CEP112: variants seen among roughly 807,000 people sequenced by gnomAD.
The protein encoded by CEP112 is centrosomal protein of 112 kDa.
In CEP112, 127 loss-of-function variants were observed where a neutral mutation model predicts 153.0. The ratio of observed to expected loss-of-function variants is 0.83; its 90% confidence interval spans 0.72 to 0.96. The LOEUF is 0.96. Ranked by LOEUF, CEP112 falls within the 40% of genes least tolerant of loss-of-function variation. The pLI is 0.00. For missense variants in CEP112, 1,089 were observed against 1,101.2 expected, an observed-to-expected ratio of 0.99 and a Z score of 0.16; for synonymous variants, 358 against 374.4, an observed-to-expected ratio of 0.96 and a Z score of 0.51.
intron 20 of CEP112, among the ~76,000 whole-genome samples, chr17:65,879,536 C>T (rs900476724): frequency 3.3e-5 from 5 of 151,990 alleles, no homozygotes; most frequent in Non-Finnish European, 7.4e-5. Context: ...ATTTCCCTTT[C>T]GTAAATGTGA....
intron 20 of CEP112, among the ~76,000 whole-genome samples, chr17:65,864,115 T>G (rs1423065891): frequency 7.1e-6 from 1 of 140,226 alleles, no homozygotes; most frequent in Non-Finnish European, 1.5e-5. Context: ...CACTCCAGCC[T>G]GGGCGACAGA....
chr17:65,902,019 A>G (rs578190541), intron 20 of CEP112, 133 bp downstream of exon 20: 1 of 423,942 alleles, frequency 2.4e-6, no homozygotes, highest in East Asian at 3.7e-5. Context: ...AAAAACAAAA[A>G]AAAAATCACA....
intron 24 of CEP112, among the ~76,000 whole-genome samples, chr17:65,659,651 C>T (rs2046247104): frequency 1.3e-5 from 2 of 152,338 alleles, no homozygotes; most frequent in Middle Eastern, 3.4e-3. Context: ...GAGTTGTTCA[C>T]CTTTACACAG....
At chr17:66,002,209 AG>A (rs34428492) in intron 17 of CEP112, among the ~76,000 whole-genome samples, 62,032 of 151,578 alleles carry the variant, frequency 0.41, 14,082 homozygotes, top group East Asian at 0.87. Context: ...TTGCTTGGAG[AG>A]AGTATAAATA....
At chr17:65,738,793 T>C (rs2145106202) in intron 23 of CEP112, among the ~76,000 whole-genome samples, 1 of 152,354 alleles carries the variant, frequency 6.6e-6, no homozygotes, top group East Asian at 1.9e-4. Context: ...ATTTTCCTCT[T>C]TGTACTATTT....
chr17:66,144,002 T>C lies in CEP112; in HGVS notation c.471-11239A>G, dbSNP rs574992631. 4.7e-4 allele frequency among the ~76,000 whole-genome samples: 71 copies of C among 152,226 alleles called. No homozygotes were observed. The South Asian group carries it at 5.8e-3, about 12-fold the overall frequency. On this transcript the variant is annotated intron_variant, in intron 4 of 26. Coordinates refer to ENST00000535342, the MANE Select transcript of CEP112 (RefSeq NM_001199165.4). Reference sequence around the variant, plus strand: ...CACCATTGTTGGCTGTGTAGGTGAGTGTGTGGGAAAGAATAATGCCTTCCT... The same window carrying C: ...CACCATTGTTGGCTGTGTAGGTGAGCGTGTGGGAAAGAATAATGCCTTCCT...
chr17:65,753,718 G>A (rs1417168808), intron 21 of CEP112, among the ~76,000 whole-genome samples: 2 of 152,026 alleles, frequency 1.3e-5, no homozygotes, highest in Non-Finnish European at 2.9e-5. Flanking sequence ...TAAAATAAAC[G>A]CTTAATAGAA....
rs750486010 is a variant in CEP112, at chr17:66,030,035, G to C, written c.1219-12C>G. Reference sequence around the variant, plus strand: ...TTGATCATGTGGTTCTAAAAGAACAGGTCATGGTTAAGAAAGTCTCTGACT... The same window carrying C: ...TTGATCATGTGGTTCTAAAAGAACACGTCATGGTTAAGAAAGTCTCTGACT... On this transcript the variant is annotated splice_polypyrimidine_tract_variant and intron_variant, in intron 12 of 26. Coordinates refer to ENST00000535342, the MANE Select transcript of CEP112 (RefSeq NM_001199165.4). 9.9e-6 allele frequency: 16 copies of C among 1,609,010 alleles called. No individual in the cohort carries two copies. Among genetic ancestry groups the C allele is most frequent in the Admixed American group, 3.4e-5 (2 of 59,084 alleles).
intron 2 of CEP112, among the ~76,000 whole-genome samples, chr17:66,179,653 T>C (rs1425986776): frequency 6.6e-6 from 1 of 152,172 alleles, no homozygotes; most frequent in African/African-American, 2.4e-5. Context: ...TTTGACTTCT[T>C]CCTTTCCAAT....
chr17:65,997,853 A>T (rs991338251), intron 17 of CEP112, among the ~76,000 whole-genome samples: 1 of 151,886 alleles, frequency 6.6e-6, no homozygotes, highest in Non-Finnish European at 1.5e-5. Flanking sequence ...AAGTTAAAAT[A>T]TTGGAAAGCA....
chr17:65,997,473 T>C (rs978103709), intron 17 of CEP112, among the ~76,000 whole-genome samples: 1 of 152,184 alleles, frequency 6.6e-6, no homozygotes, highest in Admixed American at 6.5e-5. Context: ...GTTTACACTC[T>C]GCTCCACTCC....
intron 20 of CEP112, among the ~76,000 whole-genome samples, chr17:65,889,198 A>G (rs1377618500): frequency 6.6e-6 from 1 of 152,006 alleles, no homozygotes; most frequent in Non-Finnish European, 1.5e-5. Context: ...GTCTGTCAGT[A>G]ATGGCCCGAG....
At chr17:65,637,567 C>T (rs753495701) in intron 25 of CEP112, among the ~76,000 whole-genome samples, 3 of 152,202 alleles carry the variant, frequency 2.0e-5, no homozygotes, top group Non-Finnish European at 4.4e-5. Flanking sequence ...TCCCATTCAT[C>T]CTCCACCATT....
intron 21 of CEP112, among the ~76,000 whole-genome samples, chr17:65,753,520 G>A (rs756070905): frequency 5.9e-5 from 9 of 152,106 alleles, no homozygotes; most frequent in Non-Finnish European, 1.0e-4. Flanking sequence ...TTCCAGAATA[G>A]AGAGGGCATG....
rs749929498 is a variant in CEP112, at chr17:66,132,676, C to A, written c.558G>T (p.Lys186Asn). The change falls in exon 5 of 27, where the codon AAG (lysine) becomes AAT (asparagine). Residue 186 changes from lysine (K) to asparagine (N), a missense_variant. Lys to Asn is a moderately conservative substitution (Grantham distance 94, BLOSUM62 0). Coordinates refer to ENST00000535342, the MANE Select transcript of CEP112 (RefSeq NM_001199165.4). ...HREDGQNITP[K>N]ICEVYSKKSP... Reference sequence around the variant, plus strand: ...AAGTAAAATCTAATCTTACACAAATCTTTGGGGTAATATTTTGTCCATCTT... The same window carrying A: ...AAGTAAAATCTAATCTTACACAAATATTTGGGGTAATATTTTGTCCATCTT... 9 of 1,609,172 alleles carry A rather than the reference C, an allele frequency of 5.6e-6. No individual in the cohort carries two copies. The South Asian group carries it at 8.8e-5, about 16-fold the overall frequency.
intron 18 of CEP112, among the ~76,000 whole-genome samples, chr17:65,952,662 G>A (rs1321955089): frequency 1.3e-5 from 2 of 152,038 alleles, no homozygotes; most frequent in African/African-American, 4.8e-5. Flanking sequence ...TGGTCATTGT[G>A]TATTTAACAT....
chr17:66,074,865 A>AC (rs1457813091), intron 8 of CEP112, among the ~76,000 whole-genome samples: 1 of 149,646 alleles, frequency 6.7e-6, no homozygotes, highest in Non-Finnish European at 1.5e-5. Context: ...CTGTCTAAAA[A>AC]AAAAAAAGAA....
At position 66,130,199 on chromosome 17, in the gene CEP112, C is replaced by A. The variant is rs1338275078; in HGVS notation, c.565-376G>T. ...TGCTGAGGGCTATGAGCTGCCTTAACAATATATTCACACAGCAACTAAATT... is the reference window on the plus strand; with the variant it reads ...TGCTGAGGGCTATGAGCTGCCTTAAAAATATATTCACACAGCAACTAAATT... On this transcript the variant is annotated intron_variant, in intron 5 of 26. Transcript: ENST00000535342. 2.6e-4 allele frequency among the ~76,000 whole-genome samples: 39 copies of A among 149,464 alleles called. 1 individual carries two copies. Among genetic ancestry groups the A allele is most frequent in the Admixed American group, 2.6e-3 (39 of 14,994 alleles).
chr17:65,939,857 G>A (rs953706506), intron 18 of CEP112, among the ~76,000 whole-genome samples: 1 of 152,068 alleles, frequency 6.6e-6, no homozygotes, highest in African/African-American at 2.4e-5. Flanking sequence ...GACAATAAAA[G>A]CACAGGCAAC....
Sources: allele counts gnomAD v4.1 joint callset (sites outside exome capture counted in the v4.1 genomes callset), GRCh38; gene constraint gnomAD v4.1.1; transcripts MANE v1.5; gene names NCBI Gene and HGNC (gene_info 2026-07-23, HGNC 2026-07-21).